Variants in N4BP2L2 observed in about 807,000 individuals in gnomAD.
The protein encoded by N4BP2L2 is NEDD4 binding protein 2 like 2, also known as NEDD4-binding protein 2-like 2.
N4BP2L2 carries 50 observed loss-of-function variants against 56.2 expected under a neutral mutation model. The ratio of observed to expected loss-of-function variants is 0.89; its 90% CI spans 0.71 to 1.13. N4BP2L2 has a LOEUF of 1.13. Among genes scored for constraint, N4BP2L2 ranks in the 50% most tolerant of loss-of-function variants. The pLI is 0.00. For missense variants in N4BP2L2, 689 were observed against 693.8 expected, an observed-to-expected ratio of 0.99 and a Z score of 0.08; for synonymous variants, 203 against 223.6, an observed-to-expected ratio of 0.91 and a Z score of 0.82.
At chr13:32,521,214 A>G (rs1397686640) in intron 5 of N4BP2L2, among the ~76,000 whole-genome samples, 159 bp downstream of exon 5, 1 of 152,250 alleles carries the variant, frequency 6.6e-6, no homozygotes, top group Non-Finnish European at 1.5e-5. Context: ...AGGACAATGC[A>G]GAGAAGTGGC....
exon 7 of N4BP2L2, chr13:32,442,398 G>A (rs762382967): frequency 1.3e-6 from 2 of 1,586,850 alleles, no homozygotes; most frequent in East Asian, 2.2e-5. Flanking sequence ...CCATTGGAAC[G>A]CCTGGAGATC....
chr13:32,436,514 T>C (rs1165825698), intron 8 of N4BP2L2: 3 of 461,540 alleles, frequency 6.5e-6, no homozygotes, highest in Non-Finnish European at 3.8e-6. Context: ...AAAAGAAATA[T>C]AACAGTGGCT....
chr13:32,534,073 T>C (rs563399422), intron 2 of N4BP2L2, among the ~76,000 whole-genome samples: 31 of 152,302 alleles, frequency 2.0e-4, no homozygotes, highest in Middle Eastern at 6.8e-3. Flanking sequence ...TCACTTAACC[T>C]CAACTTCCTT....
chr13:32,485,711 G>GA (rs1277985203), intron 6 of N4BP2L2, among the ~76,000 whole-genome samples: 3 of 152,124 alleles, frequency 2.0e-5, no homozygotes. Context: ...AAAAGATGCA[G>GA]AAAAAACATG....
intron 6 of N4BP2L2, among the ~76,000 whole-genome samples, chr13:32,476,431 G>A (rs547901140): frequency 2.0e-5 from 3 of 152,264 alleles, no homozygotes; most frequent in Admixed American, 6.5e-5. Flanking sequence ...GATGCTGAGT[G>A]GATTAGGGTA....
At chr13:32,529,381 T>C (rs774157973) in intron 2 of N4BP2L2, among the ~76,000 whole-genome samples, 2 of 152,168 alleles carry the variant, frequency 1.3e-5, no homozygotes, top group South Asian at 2.1e-4. Flanking sequence ...AATTAATGGG[T>C]TGGGTTGTGT....
At chr13:32,455,384 A>G (rs955481992) in intron 6 of N4BP2L2, among the ~76,000 whole-genome samples, 1 of 151,984 alleles carries the variant, frequency 6.6e-6, no homozygotes, top group African/African-American at 2.4e-5. Flanking sequence ...ACAGACAGCA[A>G]CCCCATTCTC....
chr13:32,470,577 C>T (rs2082113554), intron 6 of N4BP2L2, among the ~76,000 whole-genome samples: 1 of 152,178 alleles, frequency 6.6e-6, no homozygotes, highest in Admixed American at 6.5e-5. Flanking sequence ...TGGAAGGGAG[C>T]TGAGCTCTCA....
At chr13:32,472,282 T>G (rs142415757) in intron 6 of N4BP2L2, among the ~76,000 whole-genome samples, 300 of 152,294 alleles carry the variant, frequency 2.0e-3, no homozygotes, top group Middle Eastern at 0.014. Context: ...TCTAAAAAAA[T>G]AGAGAAATGC....
At chr13:32,521,602 A>C in intron 4 of N4BP2L2, 153 bp from the exon 5 acceptor site, 1 of 543,028 alleles carries the variant, frequency 1.8e-6, no homozygotes, top group South Asian at 2.9e-5. Context: ...ATAACAGTTA[A>C]GACTATTTAA....
chr13:32,524,072 A>G (rs1164485478), intron 3 of N4BP2L2: 1 of 152,254 alleles, frequency 6.6e-6, no homozygotes, highest in Non-Finnish European at 1.5e-5. Flanking sequence ...TAGGACAGAC[A>G]GAATGCTAAA....
intron 6 of N4BP2L2, among the ~76,000 whole-genome samples, chr13:32,479,461 T>G (rs1315642582): frequency 6.6e-6 from 1 of 151,636 alleles, no homozygotes; most frequent in African/African-American, 2.4e-5. Context: ...TTTTGTATTT[T>G]TAGTAGAGAT....
exon 6 of N4BP2L2, chr13:32,517,043 A>C: frequency 2.1e-6 from 2 of 973,364 alleles, no homozygotes; most frequent in Non-Finnish European, 2.4e-6. Context: ...AACTGTCCAA[A>C]ATATTTTTAT....
intron 6 of N4BP2L2, among the ~76,000 whole-genome samples, chr13:32,454,453 A>G (rs2078617060): frequency 6.6e-6 from 1 of 152,210 alleles, no homozygotes; most frequent in African/African-American, 2.4e-5. Flanking sequence ...CAGATTTCCC[A>G]TATTATATTA....
At chr13:32,457,597 A>C (rs2079183941) in intron 6 of N4BP2L2, among the ~76,000 whole-genome samples, 1 of 152,230 alleles carries the variant, frequency 6.6e-6, no homozygotes, top group Non-Finnish European at 1.5e-5. Flanking sequence ...AAAGAAAAAC[A>C]AAATTATCAA....
intron 6 of N4BP2L2, among the ~76,000 whole-genome samples, chr13:32,474,727 C>T (rs1186378297): frequency 1.3e-5 from 2 of 152,122 alleles, no homozygotes; most frequent in African/African-American, 4.8e-5. Flanking sequence ...TGTGATTTAG[C>T]CATAGACCAT....
At chr13:32,496,211 T>TA (rs199910412) in intron 6 of N4BP2L2, among the ~76,000 whole-genome samples, 1,862 of 152,028 alleles carry the variant, frequency 0.012, 45 homozygotes, top group African/African-American at 0.042. Flanking sequence ...TTTTATTTTT[T>TA]TTTTTTTACC....
At chr13:32,450,220 A>G (rs1391121137) in intron 6 of N4BP2L2, among the ~76,000 whole-genome samples, 1 of 152,236 alleles carries the variant, frequency 6.6e-6, no homozygotes, top group Non-Finnish European at 1.5e-5. Context: ...ATTAGTAACA[A>G]TAAATTTTTT....
intron 6 of N4BP2L2, among the ~76,000 whole-genome samples, chr13:32,467,117 G>T (rs888180020): frequency 3.5e-4 from 54 of 152,194 alleles, no homozygotes; most frequent in African/African-American, 1.3e-3. Context: ...AAATAGTTAA[G>T]AATTAACAAT....
Sources: allele counts gnomAD v4.1 joint callset (sites outside exome capture counted in the v4.1 genomes callset), GRCh38; gene constraint gnomAD v4.1.1; transcripts MANE v1.5; gene names NCBI Gene and HGNC (gene_info 2026-07-23, HGNC 2026-07-21).